RAB2A: variants seen among roughly 807,000 people sequenced by gnomAD.
The protein encoded by RAB2A is ras-related protein Rab-2A.
RAB2A carries 7 observed loss-of-function variants against 32.5 expected under a neutral mutation model. That is an observed-to-expected ratio of 0.22 (90% CI 0.12 to 0.40). The LOEUF is 0.40. RAB2A is among the 10% of genes least tolerant of loss of function. RAB2A has a pLI of 1.00. For missense variants in RAB2A, 108 were observed against 260.7 expected (o/e 0.41, Z 4.03); for synonymous variants, 79 against 85.2 (o/e 0.93, Z 0.40).
At chr8:60,590,602 C>T (rs1467024024) in intron 5 of RAB2A, among the ~76,000 whole-genome samples, 3 of 143,490 alleles carry the variant, frequency 2.1e-5, no homozygotes, top group Non-Finnish European at 4.5e-5. Flanking sequence ...ATATATAATA[C>T]ATATATATAT....
intron 2 of RAB2A, among the ~76,000 whole-genome samples, chr8:60,565,417 C>CAAAAAA (rs34983530): frequency 9.0e-6 from 1 of 111,366 alleles, no homozygotes; most frequent in African/African-American, 3.1e-5. Context: ...AGACCTGCCT[C>CAAAAAA]AAAAAAAAAA....
intron 6 of RAB2A, among the ~76,000 whole-genome samples, chr8:60,605,458 G>A (rs1267480139): frequency 6.6e-6 from 1 of 152,148 alleles, no homozygotes; most frequent in Non-Finnish European, 1.5e-5. Flanking sequence ...CCAGACCCCA[G>A]AATGGTAGAT....
chr8:60,583,639 A>G (rs1803798538), intron 3 of RAB2A, among the ~76,000 whole-genome samples: 1 of 152,234 alleles, frequency 6.6e-6, no homozygotes, highest in Admixed American at 6.5e-5. Context: ...CCATTTGATG[A>G]CTGTTGAAAG....
chr8:60,575,461 A>T (rs1367771951), intron 3 of RAB2A, among the ~76,000 whole-genome samples: 2 of 152,224 alleles, frequency 1.3e-5, no homozygotes, highest in East Asian at 3.9e-4. Flanking sequence ...CCATAGCATT[A>T]ATGTTTTACA....
chr8:60,595,691 C>T (rs1177346434), intron 6 of RAB2A, among the ~76,000 whole-genome samples: 2 of 152,082 alleles, frequency 1.3e-5, no homozygotes, highest in African/African-American at 2.4e-5. Flanking sequence ...TGTGACAGTG[C>T]TAAACATGCG....
At chr8:60,527,887 A>G (rs1807416941) in intron 1 of RAB2A, among the ~76,000 whole-genome samples, 1 of 152,212 alleles carries the variant, frequency 6.6e-6, no homozygotes, top group African/African-American at 2.4e-5. Flanking sequence ...CTCTAGAGGC[A>G]TAACTCATTG....
chr8:60,572,992 A>C (rs1808218574), intron 3 of RAB2A, among the ~76,000 whole-genome samples: 1 of 152,222 alleles, frequency 6.6e-6, no homozygotes. Context: ...TGCTTAATAG[A>C]AGACACTGGA....
intron 6 of RAB2A, among the ~76,000 whole-genome samples, chr8:60,598,147 G>A (rs953955415): frequency 1.3e-5 from 2 of 152,044 alleles, no homozygotes; most frequent in Non-Finnish European, 2.9e-5. Context: ...GCAGTGAGCC[G>A]AGAGGCACCA....
At chr8:60,566,110 A>G (rs1808109193) in intron 2 of RAB2A, among the ~76,000 whole-genome samples, 1 of 152,188 alleles carries the variant, frequency 6.6e-6, no homozygotes, top group Non-Finnish European at 1.5e-5. Context: ...AATTCCCTAT[A>G]TAACTTTGGC....
At chr8:60,618,433 A>G (rs1563488918) in intron 6 of RAB2A, 147 bp from the exon 7 acceptor site, 1 of 280,628 alleles carries the variant, frequency 3.6e-6, no homozygotes. Context: ...CTTTATTAAT[A>G]TGTTATTAAT....
chr8:60,608,448 CTG>C (rs1183525911), intron 6 of RAB2A, among the ~76,000 whole-genome samples: 1 of 151,746 alleles, frequency 6.6e-6, no homozygotes, highest in Non-Finnish European at 1.5e-5. Flanking sequence ...CTCTCTCTCT[CTG>C]TGTCTCCCCG....
At chr8:60,552,130 G>A (rs1019005137) in intron 1 of RAB2A, among the ~76,000 whole-genome samples, 6 of 143,362 alleles carry the variant, frequency 4.2e-5, no homozygotes, top group Non-Finnish European at 7.6e-5. Flanking sequence ...CAGCCTCCTA[G>A]TAACTGGGAT....
intron 1 of RAB2A, among the ~76,000 whole-genome samples, chr8:60,535,562 G>A (rs1807544600): frequency 6.6e-6 from 1 of 152,072 alleles, no homozygotes. Context: ...ACTACCATTT[G>A]TCAGCTTCTG....
intron 1 of RAB2A, among the ~76,000 whole-genome samples, chr8:60,533,917 C>T (rs1439718531): frequency 2.0e-5 from 3 of 152,050 alleles, no homozygotes; most frequent in African/African-American, 2.4e-5. Flanking sequence ...GAGCTGGGAT[C>T]GCACCACTAT....
At chr8:60,556,641 T>TAAAAAAA (rs11393857) in intron 1 of RAB2A, among the ~76,000 whole-genome samples, 2 of 106,592 alleles carry the variant, frequency 1.9e-5, no homozygotes, top group East Asian at 2.5e-4. Context: ...CTCTTTTTAA[T>TAAAAAAA]AAAAAAAAAA....
intron 5 of RAB2A, 52 bp downstream of exon 5, chr8:60,584,867 G>A (rs754988665): frequency 1.6e-6 from 2 of 1,276,590 alleles, no homozygotes; most frequent in South Asian, 2.9e-5. Context: ...AGACTGTACT[G>A]TTTATTTGAC....
intron 1 of RAB2A, among the ~76,000 whole-genome samples, chr8:60,528,797 A>G (rs948130302): frequency 6.6e-6 from 1 of 151,816 alleles, no homozygotes; most frequent in Non-Finnish European, 1.5e-5. Flanking sequence ...GGTCTGTCAA[A>G]CTCCTGGCCT....
chr8:60,616,025 C>T (rs1804441703), intron 6 of RAB2A, among the ~76,000 whole-genome samples: 1 of 151,998 alleles, frequency 6.6e-6, no homozygotes, highest in Non-Finnish European at 1.5e-5. Flanking sequence ...AGAGATTGAA[C>T]GACCAAGTAA....
chr8:60,563,014 T>TAA lies in RAB2A; in HGVS notation c.118+4100_118+4101dup, dbSNP rs5891768. Among the ~76,000 whole-genome samples, 525 of 150,064 alleles carry TAA rather than the reference T, an allele frequency of 3.5e-3. 3 individuals are homozygous for TAA. Among genetic ancestry groups the TAA allele is most frequent in the Non-Finnish European group, 5.7e-3 (382 of 67,444 alleles). ...ATCACAGCAATTTATCTTTCAGAGA[T>TAA]AAAAAAAAAATAGCAGATTATTATC... is the stretch of plus-strand genomic sequence containing the variant. On this transcript the variant is annotated intron_variant, in intron 2 of 7. Transcript: ENST00000262646.
Sources: allele counts gnomAD v4.1 joint callset (sites outside exome capture counted in the v4.1 genomes callset), GRCh38; gene constraint gnomAD v4.1.1; transcripts MANE v1.5; gene names NCBI Gene and HGNC (gene_info 2026-07-23, HGNC 2026-07-21).